CAMKMT: variants seen among roughly 807,000 people sequenced by gnomAD.
CAMKMT encodes the protein CaM KMT.
In CAMKMT, 53 loss-of-function variants were observed where a neutral mutation model predicts 48.0. The observed-to-expected ratio is 1.10, with a 90% CI of 0.89 to 1.39. The LOEUF is 1.39. Among genes scored for constraint, CAMKMT ranks in the 40% most tolerant of loss-of-function variants. The probability of loss-of-function intolerance (pLI) is 0.00; values close to 1 mark genes in which losing one functional copy is unlikely to be tolerated. For synonymous variants in CAMKMT, 165 were observed against 152.3 expected, an observed-to-expected ratio of 1.08 and a Z score of -0.61; for missense variants, 428 against 402.7, an observed-to-expected ratio of 1.06 and a Z score of -0.54.
At chr2:44,441,900 A>G (rs1463967131) in intron 3 of CAMKMT, among the ~76,000 whole-genome samples, 1 of 152,204 alleles carries the variant, frequency 6.6e-6, no homozygotes, top group Non-Finnish European at 1.5e-5. Flanking sequence ...CTAGACTTCT[A>G]AGGCTTAAGC....
chr2:44,546,646 C>T lies in CAMKMT; in HGVS notation c.376+156341C>T, dbSNP rs554272508. Among the ~76,000 whole-genome samples the T allele has an allele frequency of 6.6e-5, 10 of 152,308 alleles. No homozygotes were observed. In the South Asian group the frequency reaches 1.2e-3, roughly 19 times the overall value. On this transcript the variant is annotated intron_variant, in intron 3 of 10. Transcript: ENST00000378494. ...GTCATTTCACTGCTGCAAAAGGCTG[C>T]GTTGCCCCTGGGCAGCTGTCAGAAA...
intron 3 of CAMKMT, among the ~76,000 whole-genome samples, chr2:44,502,331 C>G (rs1299247900): frequency 6.6e-6 from 1 of 152,100 alleles, no homozygotes; most frequent in Non-Finnish European, 1.5e-5. Context: ...CTTGTGTGCC[C>G]TGTGACTGAT....
At chr2:44,645,828 A>T (rs1416609813) in intron 3 of CAMKMT, among the ~76,000 whole-genome samples, 1 of 152,190 alleles carries the variant, frequency 6.6e-6, no homozygotes, top group Non-Finnish European at 1.5e-5. Context: ...CTCAAAAGGA[A>T]TCTAAGAGGA....
chr2:44,548,729 AT>A (rs1036481708), intron 3 of CAMKMT, among the ~76,000 whole-genome samples: 2 of 152,112 alleles, frequency 1.3e-5, no homozygotes, highest in Non-Finnish European at 2.9e-5. Flanking sequence ...GTAGCAAGGA[AT>A]TTTTTTAGCT....
At chr2:44,539,242 T>C (rs1445190802) in intron 3 of CAMKMT, among the ~76,000 whole-genome samples, 1 of 149,188 alleles carries the variant, frequency 6.7e-6, no homozygotes, top group African/African-American at 2.5e-5. Context: ...GAGGTGGAGT[T>C]TGCAGTGAGC....
chr2:44,624,864 T>G (rs937873508), intron 3 of CAMKMT, among the ~76,000 whole-genome samples: 1 of 152,194 alleles, frequency 6.6e-6, no homozygotes, highest in Non-Finnish European at 1.5e-5. Context: ...CTGGGTCAAA[T>G]AGTATTTCTA....
At chr2:44,596,124 T>C (rs1670640110) in intron 3 of CAMKMT, among the ~76,000 whole-genome samples, 1 of 151,442 alleles carries the variant, frequency 6.6e-6, no homozygotes, top group African/African-American at 2.4e-5. Flanking sequence ...ACCCCAGAAC[T>C]TATAATTTAA....
rs1480801864 is a variant in CAMKMT, at chr2:44,472,036, A to G, written c.376+81731A>G. On this transcript the variant is annotated intron_variant, in intron 3 of 10. Transcript: ENST00000378494. Reference sequence around the variant, plus strand: ...GGGTTGGTATGAAGATTTTCAAAAGAACTATTTATGATTCTTCCTAAAAGA... The same window carrying G: ...GGGTTGGTATGAAGATTTTCAAAAGGACTATTTATGATTCTTCCTAAAAGA... Among the ~76,000 whole-genome samples the G allele has an allele frequency of 2.0e-5, 3 of 152,208 alleles. No homozygotes were observed. In the East Asian group the frequency reaches 5.8e-4, roughly 29 times the overall value.
At chr2:44,535,845 T>A (rs1429706029) in intron 3 of CAMKMT, among the ~76,000 whole-genome samples, 3 of 152,214 alleles carry the variant, frequency 2.0e-5, no homozygotes, top group African/African-American at 7.2e-5. Flanking sequence ...GGTTGCCTAC[T>A]TTCACCACTC....
At chr2:44,373,801 A>G (rs1251252676) in intron 2 of CAMKMT, among the ~76,000 whole-genome samples, 1 of 152,130 alleles carries the variant, frequency 6.6e-6, no homozygotes, top group African/African-American at 2.4e-5. Context: ...GGAAAGAACA[A>G]TTAGAATCTG....
At chr2:44,496,087 G>A (rs970671769) in intron 3 of CAMKMT, among the ~76,000 whole-genome samples, 3 of 152,146 alleles carry the variant, frequency 2.0e-5, no homozygotes, top group African/African-American at 4.8e-5. Context: ...TTTGTAAAAT[G>A]CCAAAGCATT....
At chr2:44,667,813 A>C (rs1379832391) in intron 3 of CAMKMT, among the ~76,000 whole-genome samples, 2 of 151,158 alleles carry the variant, frequency 1.3e-5, no homozygotes, top group Non-Finnish European at 2.9e-5. Context: ...TTCATTTTGG[A>C]CCTCCACTCC....
rs72790077 is a variant in CAMKMT at position 44,561,170 on chromosome 2, C to G, written c.377-143113C>G. On this transcript the variant is annotated intron_variant, in intron 3 of 10. Transcript: ENST00000378494. ...ATGCCTCAGCATTCTGGAATTTAGC[C>G]TTTCTGATACTGTGTTTTGTAAGTT... 8.6e-3 allele frequency among the ~76,000 whole-genome samples: 1,309 copies of G among 152,084 alleles called. 6 individuals carry two copies. Among genetic ancestry groups the G allele is most frequent in the Non-Finnish European group, 0.015 (1,006 of 67,992 alleles).
At chr2:44,447,717 C>A (rs1313393966) in intron 3 of CAMKMT, among the ~76,000 whole-genome samples, 1 of 152,228 alleles carries the variant, frequency 6.6e-6, no homozygotes, top group East Asian at 1.9e-4. Flanking sequence ...GAGCAATTTA[C>A]ATGGTGAAGC....
chr2:44,455,965 A>G (rs887125549), intron 3 of CAMKMT, among the ~76,000 whole-genome samples: 2 of 152,202 alleles, frequency 1.3e-5, no homozygotes, highest in Admixed American at 1.3e-4. Flanking sequence ...TTTATCATTC[A>G]TAAATATTAA....
chr2:44,723,921 G>C (rs1678630928), intron 7 of CAMKMT: 1 of 152,178 alleles, frequency 6.6e-6, no homozygotes, highest in African/African-American at 2.4e-5. Flanking sequence ...TAAAATCAAT[G>C]AAGTTGATCA....
intron 3 of CAMKMT, among the ~76,000 whole-genome samples, chr2:44,427,794 A>G (rs1238439961): frequency 6.6e-6 from 1 of 152,030 alleles, no homozygotes; most frequent in Admixed American, 6.5e-5. Flanking sequence ...CAGACCATAT[A>G]TTTTTCTGCT....
At chr2:44,666,679 T>A (rs1674992602) in intron 3 of CAMKMT, among the ~76,000 whole-genome samples, 1 of 150,358 alleles carries the variant, frequency 6.7e-6, no homozygotes, top group South Asian at 2.1e-4. Context: ...TGGCACAGTC[T>A]CGGCTCACTG....
chr2:44,764,890 T>G (rs1680773885), intron 9 of CAMKMT, among the ~76,000 whole-genome samples: 1 of 152,142 alleles, frequency 6.6e-6, no homozygotes, highest in African/African-American at 2.4e-5. Context: ...GATCATTCAC[T>G]GACAGAGTTG....
Sources: gnomAD v4.1 joint callset for allele counts (sites outside exome capture counted in the v4.1 genomes callset) on GRCh38, gnomAD v4.1.1 for gene constraint, MANE v1.5 for transcripts, NCBI Gene and HGNC (gene_info 2026-07-23, HGNC 2026-07-21) for gene names.